Variants in ASCC3 observed in about 807,000 individuals in gnomAD.
The protein encoded by ASCC3 is ASC-1 complex subunit P200.
ASCC3 carries 158 observed loss-of-function variants against 256.3 expected under a neutral mutation model. The ratio of observed to expected loss-of-function variants is 0.62; its 90% confidence interval spans 0.54 to 0.70. The LOEUF is 0.70. Among genes scored for constraint, ASCC3 ranks in the 30% least tolerant of loss-of-function variants. The pLI is 0.00. For synonymous variants in ASCC3, 948 were observed against 883.4 expected, an observed-to-expected ratio of 1.07 and a Z score of -1.30; for missense variants, 2,259 against 2,626.0, an observed-to-expected ratio of 0.86 and a Z score of 3.05.
At chr6:100,853,144 A>C (rs1772767667) in intron 3 of ASCC3, among the ~76,000 whole-genome samples, 1 of 152,174 alleles carries the variant, frequency 6.6e-6, no homozygotes, top group Non-Finnish European at 1.5e-5. Context: ...TTACCATATA[A>C]AATGATATAT....
intron 10 of ASCC3, among the ~76,000 whole-genome samples, chr6:100,729,394 G>A (rs1238727894): frequency 6.6e-6 from 1 of 152,120 alleles, no homozygotes; most frequent in Non-Finnish European, 1.5e-5. Context: ...ATCTGACAAA[G>A]CAAATGTGTA....
intron 8 of ASCC3, among the ~76,000 whole-genome samples, chr6:100,787,664 G>C (rs548027990): frequency 2.0e-5 from 3 of 152,184 alleles, no homozygotes; most frequent in South Asian, 4.2e-4. Context: ...AAGCTCACCT[G>C]TATGTATATG....
chr6:100,834,792 C>G (rs957511222), intron 4 of ASCC3, among the ~76,000 whole-genome samples: 4 of 152,004 alleles, frequency 2.6e-5, no homozygotes, highest in Non-Finnish European at 4.4e-5. Flanking sequence ...AAACAAACAA[C>G]TACTGGAAAA....
At chr6:100,854,128 C>G (rs915520246) in intron 3 of ASCC3, among the ~76,000 whole-genome samples, 3 of 150,744 alleles carry the variant, frequency 2.0e-5, no homozygotes, top group Non-Finnish European at 4.4e-5. Flanking sequence ...ACATAACATA[C>G]TGATGCTACA....
chr6:100,717,428 T>C (rs2115024245), intron 12 of ASCC3, among the ~76,000 whole-genome samples: 1 of 152,124 alleles, frequency 6.6e-6, no homozygotes, highest in Middle Eastern at 3.4e-3. Context: ...TGTTGTTGAA[T>C]AGGATGATAA....
chr6:100,872,573 G>A (rs912254400), intron 1 of ASCC3, among the ~76,000 whole-genome samples: 1 of 151,994 alleles, frequency 6.6e-6, no homozygotes, highest in South Asian at 2.1e-4. Flanking sequence ...CCAGAATGAC[G>A]GCAGGAATAA....
At chr6:100,725,472 T>C in intron 11 of ASCC3, 67 bp downstream of exon 11, 1 of 1,511,434 alleles carries the variant, frequency 6.6e-7, no homozygotes, top group South Asian at 1.1e-5. Context: ...ACAGTGAAAA[T>C]GCTACATTTT....
chr6:100,573,428 T>G (rs1770697777), intron 36 of ASCC3, among the ~76,000 whole-genome samples: 1 of 152,136 alleles, frequency 6.6e-6, no homozygotes. Flanking sequence ...GTACTTAAAC[T>G]TTATTGGGAT....
chr6:100,620,771 A>AC (rs1357827749), intron 30 of ASCC3, among the ~76,000 whole-genome samples: 1 of 152,168 alleles, frequency 6.6e-6, no homozygotes, highest in African/African-American at 2.4e-5. Flanking sequence ...TTAACACTAC[A>AC]CAAGGAGCAG....
chr6:100,839,437 T>G (rs372369904), intron 4 of ASCC3, among the ~76,000 whole-genome samples: 1 of 152,120 alleles, frequency 6.6e-6, no homozygotes, highest in Admixed American at 6.6e-5. Flanking sequence ...AATCTGTTAT[T>G]GCCATAAATT....
intron 37 of ASCC3, among the ~76,000 whole-genome samples, chr6:100,523,342 G>A (rs1471877268): frequency 6.6e-6 from 1 of 152,006 alleles, no homozygotes; most frequent in Non-Finnish European, 1.5e-5. Context: ...ATAGCTATTT[G>A]TTTTTACAGA....
At chr6:100,686,087 C>A (rs1033448091) in intron 13 of ASCC3, among the ~76,000 whole-genome samples, 1 of 152,130 alleles carries the variant, frequency 6.6e-6, no homozygotes, top group African/African-American at 2.4e-5. Context: ...AACACACTAG[C>A]CCATCACAGC....
At chr6:100,608,265 TTATATATATACTTTATATATACTTTA>T (rs1365114212) in intron 30 of ASCC3, among the ~76,000 whole-genome samples, 13 of 70,050 alleles carry the variant, frequency 1.9e-4, no homozygotes, top group East Asian at 1.3e-3. Context: ...TATATATACT[TTATATATATACTTTATATATACTTTA>T]TATATACCTT....
rs1773640640 is a variant in ASCC3, at chr6:100,509,340, G to A, written c.*46C>T. ...TTCGATTTGTCTAGATGACTGAACAGAGAGAATTCTTAGCCACTCCTTTCA... is the reference window on the plus strand; with the variant it reads ...TTCGATTTGTCTAGATGACTGAACAAAGAGAATTCTTAGCCACTCCTTTCA... On this transcript the variant is annotated 3_prime_UTR_variant, in exon 42 of 42. Transcript: ENST00000369162. 6.2e-7 allele frequency: 1 copy of A among 1,610,080 alleles called. No individual in the cohort carries two copies. The highest frequency in any genetic ancestry group is 1.3e-5 in the African/African-American group (1 of 74,950).
rs1245549300 is a variant in ASCC3 at position 100,509,499 on chromosome 6, A to G, written c.6496T>C (p.Tyr2166His). 1 of 1,613,906 alleles carries G rather than the reference A, an allele frequency of 6.2e-7. No homozygotes were observed. The highest frequency in any genetic ancestry group is 2.2e-5 in the East Asian group (1 of 44,896). ...IYTLYFMSDCYLGLDQQYDIY... is the reference protein window; with the variant it reads ...IYTLYFMSDCHLGLDQQYDIY... Reference sequence around the variant, plus strand: ...TCATACTGCTGGTCCAGGCCAAGGTAGCAGTCACTCATGAAATATAATGTG... The same window carrying G: ...TCATACTGCTGGTCCAGGCCAAGGTGGCAGTCACTCATGAAATATAATGTG... Residue 2166 changes from tyrosine (Y) to histidine (H), a missense_variant, in exon 42 of 42, where the codon TAC (tyrosine) becomes CAC (histidine). Around this residue, in one of 2 missense-constraint regions of ASCC3, gnomAD observed 1,839 missense variants for 2,206.7 expected, o/e 0.83. Transcript: ENST00000369162.
intron 6 of ASCC3, among the ~76,000 whole-genome samples, 195 bp from the exon 7 acceptor site, chr6:100,799,767 T>A (rs1307184690): frequency 1.3e-5 from 2 of 152,092 alleles, no homozygotes; most frequent in Non-Finnish European, 2.9e-5. Context: ...TTTTTAGATA[T>A]TATTTATAGA....
intron 32 of ASCC3, 139 bp from the exon 33 acceptor site, chr6:100,605,839 G>A (rs950750588): frequency 4.2e-6 from 4 of 962,824 alleles, no homozygotes; most frequent in Non-Finnish European, 4.8e-6. Flanking sequence ...CTATGTTGAT[G>A]GCTACTACTA....
At chr6:100,538,466 T>C (rs1775278581) in intron 37 of ASCC3, among the ~76,000 whole-genome samples, 1 of 152,178 alleles carries the variant, frequency 6.6e-6, no homozygotes, top group Non-Finnish European at 1.5e-5. Flanking sequence ...CTTCAGTTTC[T>C]AAAACAATAA....
In ASCC3 at chr6:100,755,816, T is replaced by C. The variant is rs879303220; in HGVS notation, c.1737+10749A>G. Among the ~76,000 whole-genome samples the C allele has an allele frequency of 4.5e-4, 69 of 152,170 alleles. 1 individual carries two copies. Among genetic ancestry groups the C allele is most frequent in the Admixed American group, 2.6e-4 (4 of 15,276 alleles). The stretch of plus-strand genomic sequence containing the variant: ...TTGGTTTTATCAAAAAGCTAACTAC[T>C]GGACAAACTACATGTATCAAGATAC... On this transcript the variant is annotated intron_variant, in intron 10 of 41. Coordinates refer to ENST00000369162, the MANE Select transcript of ASCC3 (RefSeq NM_006828.4).
Sources: allele counts gnomAD v4.1 joint callset (sites outside exome capture counted in the v4.1 genomes callset), GRCh38; gene constraint gnomAD v4.1.1; regional missense constraint gnomAD v4.1.1; transcripts MANE v1.5; gene names NCBI Gene and HGNC (gene_info 2026-07-23, HGNC 2026-07-21).